ABCA3: variants seen among roughly 807,000 people sequenced by gnomAD.
ABCA3 encodes phospholipid-transporting ATPase ABCA3.
A neutral mutation model predicts 172.8 loss-of-function variants in ABCA3; 88 were observed. The ratio of observed to expected loss-of-function variants is 0.51; its 90% CI spans 0.43 to 0.61. The LOEUF is 0.61. Ranked by LOEUF, ABCA3 falls within the 20% of genes least tolerant of loss-of-function variation. ABCA3 has a pLI of 0.00. For synonymous variants in ABCA3, 1,066 were observed against 983.8 expected, an observed-to-expected ratio of 1.08 and a Z score of -1.56; for missense variants, 2,164 against 2,301.0, an observed-to-expected ratio of 0.94 and a Z score of 1.22.
In ABCA3 at chr16:2,283,478, T is replaced by G; in HGVS notation, c.3863-120A>C. On this transcript the variant is annotated intron_variant, in intron 25 of 32. Transcript: ENST00000301732. This position sits in a 1 kb window ranked among gnomAD's most constrained non-coding sequence, Gnocchi z 5.4. The stretch of plus-strand genomic sequence containing the variant: ...GGCGCCTGTAACAATGTCCCCTCCA[T>G]GGGGAGATGTGAAGGCCAGTAGGTC... 1 of 1,165,194 alleles carries G rather than the reference T, an allele frequency of 8.6e-7. No individual in the cohort carries two copies. Among genetic ancestry groups the G allele is most frequent in the Non-Finnish European group, 1.2e-6 (1 of 830,698 alleles). The allele number at this position is 1,165,194 out of a possible 1,614,324, so 72.2% of individuals were successfully genotyped here.
rs1261993297 is a variant in ABCA3, at chr16:2,328,707, G to C, written c.-281C>G. The C allele has an allele frequency of 1.1e-5, 4 of 359,956 alleles. No individual in the cohort carries two copies. The highest frequency in any genetic ancestry group is 2.2e-5 in the Non-Finnish European group (4 of 178,018). 22.3% of individuals were successfully genotyped at this position (359,956 alleles called of 1,614,324 possible). ...CCTTCATGTGCGGAAAAGCCTCCTT[G>C]ACTCACAGTGGAAGAGTTTCAGGTT... On this transcript the variant is annotated 5_prime_UTR_variant, in exon 3 of 33. Coordinates refer to ENST00000301732, the MANE Select transcript of ABCA3 (RefSeq NM_001089.3).
At chr16:2,330,268 G>T (rs1401050210) in intron 1 of ABCA3, among the ~76,000 whole-genome samples, 17 of 142,012 alleles carry the variant, frequency 1.2e-4, no homozygotes, top group Non-Finnish European at 2.4e-4. Context: ...AGAGTCATCA[G>T]CTCCGAGATG....
At chr16:2,323,277 C>T (rs967571091) in intron 7 of ABCA3, 3 of 576,488 alleles carry the variant, frequency 5.2e-6, no homozygotes, top group East Asian at 3.0e-5. Flanking sequence ...ACTAGAAATA[C>T]CATTTGACCC....
chr16:2,300,968 A>C (rs187936399), intron 12 of ABCA3, among the ~76,000 whole-genome samples: 3,098 of 150,190 alleles, frequency 0.021, 48 homozygotes, highest in Middle Eastern at 0.089. Context: ...CGGTGGCTCG[A>C]GCCTGTAATC....
In ABCA3 at chr16:2,284,253, C is replaced by G; in HGVS notation, c.3862+26G>C. On this transcript the variant is annotated intron_variant, in intron 25 of 32. Coordinates refer to ENST00000301732, the MANE Select transcript of ABCA3 (RefSeq NM_001089.3). The surrounding 1 kb of genome is among the most constrained non-coding windows in gnomAD (Gnocchi z 5.9). ...ACGTCCTGAGGACGCAGGGGTGCTG[C>G]CCGGGGTCGGGGCTGGGACACTCAC... 6.2e-7 allele frequency: 1 copy of G among 1,606,970 alleles called. No individual in the cohort carries two copies. The highest frequency in any genetic ancestry group is 8.5e-7 in the Non-Finnish European group (1 of 1,175,656).
Position 2,289,275 on chromosome 16 carries a change from C to A in ABCA3, c.2700+159G>T. ...CCATTCAAACGCTTCTCCCTGCCGACCCATGCGGTGTGAGCCGCTGCCCGC... is the reference window on the plus strand; with the variant it reads ...CCATTCAAACGCTTCTCCCTGCCGAACCATGCGGTGTGAGCCGCTGCCCGC... On this transcript the variant is annotated intron_variant, in intron 20 of 32. Coordinates refer to ENST00000301732, the MANE Select transcript of ABCA3 (RefSeq NM_001089.3). 8.5e-6 allele frequency: 7 copies of A among 824,818 alleles called. No individual in the cohort carries two copies. In the South Asian group the frequency reaches 1.2e-4, roughly 14 times the overall value. 51.1% of individuals were successfully genotyped at this position (824,818 alleles called of 1,614,324 possible). A position where few individuals can be genotyped will look rare whatever the true frequency, so the allele number is the denominator to read the frequency against.
chr16:2,320,409 T>C (rs2093724232), intron 7 of ABCA3, among the ~76,000 whole-genome samples: 2 of 141,780 alleles, frequency 1.4e-5, no homozygotes. Context: ...TTTTTTTTTT[T>C]GAGACAGTCT....
At position 2,308,159 on chromosome 16, in the gene ABCA3, G is replaced by T. The variant is rs528742510; in HGVS notation, c.1285+291C>A. Among the ~76,000 whole-genome samples, 9 of 152,330 alleles carry T rather than the reference G, an allele frequency of 5.9e-5. No homozygotes were observed. The South Asian group carries it at 1.9e-3, about 32-fold the overall frequency. ...AGTCAGATGCGTATGTGGTGCCAAC[G>T]CTGCTGGATGCTCCAACCCTCTTGT... On this transcript the variant is annotated intron_variant, in intron 11 of 32. Coordinates refer to ENST00000301732, the MANE Select transcript of ABCA3 (RefSeq NM_001089.3).
chr16:2,323,831 C>T (rs113690999), intron 6 of ABCA3, 143 bp from the exon 7 acceptor site: 29 of 985,652 alleles, frequency 2.9e-5, no homozygotes, highest in South Asian at 1.3e-4. Context: ...CAACAGGCCC[C>T]GGAATGTCAC....
Position 2,297,003 on chromosome 16 carries a change from G to T in ABCA3, c.2263+326C>A, listed in dbSNP as rs1219948308. The stretch of plus-strand genomic sequence containing the variant: ...GCTGGCCCTGGCCATGCTGTGAGCT[G>T]CTCTCACGTGGGAGCTGCCATGTTG... On this transcript the variant is annotated intron_variant, in intron 17 of 32. Transcript: ENST00000301732. This position sits in a 1 kb window ranked among gnomAD's most constrained non-coding sequence, Gnocchi z 5.6. 1.3e-5 allele frequency among the ~76,000 whole-genome samples: 2 copies of T among 152,212 alleles called. No individual in the cohort carries two copies. The highest frequency in any genetic ancestry group is 3.9e-4 in the East Asian group (2 of 5,188).
intron 11 of ABCA3, 93 bp from the exon 12 acceptor site, chr16:2,304,243 C>CA: frequency 7.5e-7 from 1 of 1,338,710 alleles, no homozygotes; most frequent in Non-Finnish European, 1.1e-6. Context: ...GCACATTTGA[C>CA]CTTGCATGGC....
chr16:2,285,343 C>T lies in ABCA3; in HGVS notation c.3483+99G>A. 1 of 1,439,988 alleles carries T rather than the reference C, an allele frequency of 6.9e-7. No individual in the cohort carries two copies. The highest frequency in any genetic ancestry group is 9.5e-7 in the Non-Finnish European group (1 of 1,054,906). The allele number at this position is 1,439,988 out of a possible 1,614,324, so 89.2% of individuals were successfully genotyped here. A position where few individuals can be genotyped will look rare whatever the true frequency, so the allele number is the denominator to read the frequency against. ...TCCCTGAGTCGGGCCGAGCTGCCGG[C>T]CTAGGGGCTGCCCAGCTGGTTCCGG... On this transcript the variant is annotated intron_variant, in intron 23 of 32. Coordinates refer to ENST00000301732, the MANE Select transcript of ABCA3 (RefSeq NM_001089.3). The surrounding 1 kb of genome is among the most constrained non-coding windows in gnomAD (Gnocchi z 4.7).
At position 2,281,456 on chromosome 16, in the gene ABCA3, G is replaced by C. The variant is rs201762900; in HGVS notation, c.4089C>G (p.Asp1363Glu). 1 of 1,613,666 alleles carries C rather than the reference G, an allele frequency of 6.2e-7. No individual in the cohort carries two copies. Among genetic ancestry groups the C allele is most frequent in the South Asian group, 1.1e-5 (1 of 91,086 alleles). The change falls in exon 27 of 33, where the codon GAC becomes GAG. Residue 1363 changes from aspartate (D) to glutamate (E), a missense_variant. Coordinates refer to ENST00000301732, the MANE Select transcript of ABCA3 (RefSeq NM_001089.3). The surrounding 1 kb of genome is among the most constrained non-coding windows in gnomAD (Gnocchi z 4.7). ...TGGGGGCCAGGATGCGGGTCCTCTC[G>C]TCCGCTACATCTTGGTCCTCAGGAA... ...PVLPEDQDVADERTRILAPSP... is the reference protein window; with the variant it reads ...PVLPEDQDVAEERTRILAPSP...
At chr16:2,280,024 T>C (rs1351283961) in intron 28 of ABCA3, among the ~76,000 whole-genome samples, 1 of 152,246 alleles carries the variant, frequency 6.6e-6, no homozygotes, top group African/African-American at 2.4e-5. Flanking sequence ...GCTGGGATTA[T>C]AGGCGTGAGC....
chr16:2,297,752 T>A lies in ABCA3; in HGVS notation c.2052+14A>T. The stretch of plus-strand genomic sequence containing the variant: ...CAGGAGGGGAACCCACTGCCTCCAG[T>A]CCCACCGCCACACCTTGGAGCCTGC... On this transcript the variant is annotated intron_variant, in intron 16 of 32. Transcript: ENST00000301732. The surrounding 1 kb of genome is among the most constrained non-coding windows in gnomAD (Gnocchi z 5.6). 1 of 1,609,240 alleles carries A rather than the reference T, an allele frequency of 6.2e-7. No individual in the cohort carries two copies.
chr16:2,292,099 G>A (rs374279121), intron 19 of ABCA3, 41 bp downstream of exon 19: 12 of 1,517,476 alleles, frequency 7.9e-6, no homozygotes, highest in South Asian at 1.1e-5. Flanking sequence ...TCTGCAGCAC[G>A]GAGCCCAGTC....
At chr16:2,323,795 A>C (rs573307996) in intron 6 of ABCA3, 107 bp from the exon 7 acceptor site, 48 of 1,202,330 alleles carry the variant, frequency 4.0e-5, no homozygotes, top group East Asian at 7.1e-5. Flanking sequence ...CCGAGAACTC[A>C]CCACTCCCCC....
At chr16:2,292,886 C>A (rs2093674220) in intron 18 of ABCA3, among the ~76,000 whole-genome samples, 1 of 151,868 alleles carries the variant, frequency 6.6e-6, no homozygotes, top group African/African-American at 2.4e-5. Flanking sequence ...ACCCGGGAGG[C>A]GGAGGTTGCG....
intron 18 of ABCA3, among the ~76,000 whole-genome samples, chr16:2,294,044 C>T (rs2093676118): frequency 6.6e-6 from 1 of 150,896 alleles, no homozygotes; most frequent in South Asian, 2.1e-4. Context: ...CCCTCTGTCA[C>T]CCAGGCTGGA....
Sources: gnomAD v4.1 joint callset for allele counts (sites outside exome capture counted in the v4.1 genomes callset) on GRCh38, gnomAD v4.1.1 for gene constraint, Gnocchi (gnomAD v3.1) non-coding constraint, MANE v1.5 for transcripts, NCBI Gene and HGNC (gene_info 2026-07-23, HGNC 2026-07-21) for gene names.